Variants in PCLO observed in about 807,000 individuals in gnomAD.
The protein encoded by PCLO is protein piccolo.
PCLO carries 82 observed loss-of-function variants against 427.5 expected under a neutral mutation model. The observed-to-expected ratio is 0.19, with a 90% CI of 0.16 to 0.23. PCLO has a LOEUF of 0.23. PCLO is among the 10% of genes least tolerant of loss of function. The pLI is 1.00. For missense variants in PCLO, 6,239 were observed against 6,115.9 expected (o/e 1.02, Z -0.67); for synonymous variants, 2,357 against 2,155.4 (o/e 1.09, Z -2.59).
intron 6 of PCLO, among the ~76,000 whole-genome samples, chr7:82,941,616 T>C (rs1018479953): frequency 2.6e-5 from 4 of 151,522 alleles, no homozygotes; most frequent in Admixed American, 2.0e-4. Flanking sequence ...AATATTTTAT[T>C]AGTTATGAGA....
At chr7:82,832,800 TAC>T (rs10645073) in intron 16 of PCLO, among the ~76,000 whole-genome samples, 39,607 of 140,304 alleles carry the variant, frequency 0.28, 5,656 homozygotes, top group Non-Finnish European at 0.34. Context: ...CTAAACTTAC[TAC>T]ACACACACAC....
chr7:82,981,754 A>C (rs917315190), intron 3 of PCLO, among the ~76,000 whole-genome samples: 1 of 152,144 alleles, frequency 6.6e-6, no homozygotes, highest in African/African-American at 2.4e-5. Context: ...TCTTTACGTA[A>C]TAAGAATAAG....
intron 10 of PCLO, among the ~76,000 whole-genome samples, chr7:82,863,225 T>C (rs1354472103): frequency 1.3e-5 from 2 of 152,006 alleles, no homozygotes; most frequent in Non-Finnish European, 1.5e-5. Context: ...ATGAATGATA[T>C]AATCAAAATT....
chr7:82,915,521 G>T lies in PCLO; in HGVS notation c.12465C>A (p.Tyr4155Ter). ...LSHYYHADTS[Y>*]RHFPKSEKYS... Reference sequence around the variant, plus strand: ...ACTTCTCAGATTTTGGAAAATGTCTGTAGCTAGTATCAGCATGGTAATAAT... The same window carrying T: ...ACTTCTCAGATTTTGGAAAATGTCTTTAGCTAGTATCAGCATGGTAATAAT... Residue 4155 changes from tyrosine (Y) to a stop codon, truncating the protein, a stop_gained, in exon 7 of 25, where the codon TAC becomes TAA. Transcript: ENST00000333891. LOFTEE classifies it high-confidence loss of function. The T allele has an allele frequency of 6.2e-7, 1 of 1,613,666 alleles. No individual in the cohort carries two copies. Among genetic ancestry groups the T allele is most frequent in the Non-Finnish European group, 8.5e-7 (1 of 1,179,690 alleles).
chr7:82,886,009 C>T (rs758805793), intron 9 of PCLO, among the ~76,000 whole-genome samples: 6 of 152,112 alleles, frequency 3.9e-5, no homozygotes, highest in Admixed American at 1.3e-4. Context: ...CCAGTCCCTC[C>T]TTTCCCCATT....
At chr7:83,092,822 C>A (rs955711385) in intron 3 of PCLO, among the ~76,000 whole-genome samples, 1 of 151,712 alleles carries the variant, frequency 6.6e-6, no homozygotes, top group East Asian at 1.9e-4. Flanking sequence ...TGATGAGTGC[C>A]TGAGATCCCA....
At chr7:82,815,470 T>C (rs1189636758) in intron 20 of PCLO, among the ~76,000 whole-genome samples, 4 of 152,098 alleles carry the variant, frequency 2.6e-5, no homozygotes, top group Non-Finnish European at 4.4e-5. Flanking sequence ...TGTAAAAATA[T>C]GTTTTCTATA....
chr7:82,871,138 T>C (rs1793226470), intron 10 of PCLO, among the ~76,000 whole-genome samples: 1 of 151,948 alleles, frequency 6.6e-6, no homozygotes, highest in African/African-American at 2.4e-5. Context: ...AATAAGTATA[T>C]AGAAGAGATA....
At chr7:82,959,574 T>A (rs1450456727) in intron 4 of PCLO, among the ~76,000 whole-genome samples, 1 of 152,152 alleles carries the variant, frequency 6.6e-6, no homozygotes, top group Non-Finnish European at 1.5e-5. Context: ...CAAGGGAAAT[T>A]AAGTGACATT....
chr7:82,904,351 C>T (rs1364324379), intron 8 of PCLO, among the ~76,000 whole-genome samples: 1 of 151,718 alleles, frequency 6.6e-6, no homozygotes, highest in African/African-American at 2.4e-5. Context: ...CTCCCCACAT[C>T]TTTTTCTCCC....
chr7:82,911,178 A>G (rs1794311597), intron 7 of PCLO, among the ~76,000 whole-genome samples: 1 of 152,020 alleles, frequency 6.6e-6, no homozygotes, highest in Non-Finnish European at 1.5e-5. Flanking sequence ...TGATTTTGTT[A>G]TTTTTTATAA....
intron 3 of PCLO, among the ~76,000 whole-genome samples, chr7:83,027,508 GC>G (rs1788534556): frequency 6.8e-6 from 1 of 146,152 alleles, no homozygotes; most frequent in Admixed American, 6.8e-5. Flanking sequence ...TAGATTCACA[GC>G]CAAATTCTAC....
rs554208322 is a variant in PCLO, at chr7:82,755,303, A to C, written c.*3272T>G. The C allele has an allele frequency of 6.6e-6, 1 of 152,284 alleles. No homozygotes were observed. Among genetic ancestry groups the C allele is most frequent in the African/African-American group, 2.4e-5 (1 of 41,570 alleles). The allele number at this position is 152,284 out of a possible 1,614,324, so 9.4% of individuals were successfully genotyped here. On this transcript the variant is annotated 3_prime_UTR_variant, in exon 25 of 25. Transcript: ENST00000333891. ...CAATATTAAAGAGTAAAGATAACTG[A>C]TGCCCCTTAGTCTTGATATTTTAAA...
chr7:83,151,733 G>T (rs1398609077), intron 2 of PCLO, among the ~76,000 whole-genome samples: 2 of 152,094 alleles, frequency 1.3e-5, no homozygotes, highest in Non-Finnish European at 2.9e-5. Context: ...CTTTGACCCT[G>T]TAACACTTCA....
chr7:83,081,517 A>C (rs1790100080), intron 3 of PCLO, among the ~76,000 whole-genome samples: 1 of 151,934 alleles, frequency 6.6e-6, no homozygotes, highest in Non-Finnish European at 1.5e-5. Context: ...AAAATATCTG[A>C]AAAATTTAGA....
chr7:83,024,899 T>A (rs1162500228), intron 3 of PCLO, among the ~76,000 whole-genome samples: 1 of 152,132 alleles, frequency 6.6e-6, no homozygotes, highest in South Asian at 2.1e-4. Context: ...GGGTCCTGTC[T>A]GTTAGAAGGA....
intron 3 of PCLO, among the ~76,000 whole-genome samples, chr7:83,118,727 T>C (rs1401727089): frequency 6.6e-6 from 1 of 152,110 alleles, no homozygotes; most frequent in African/African-American, 2.4e-5. Flanking sequence ...CCACTACCAG[T>C]GGACTAAAGT....
intron 16 of PCLO, among the ~76,000 whole-genome samples, chr7:82,833,645 G>A (rs1326747432): frequency 6.6e-6 from 1 of 152,022 alleles, no homozygotes; most frequent in Non-Finnish European, 1.5e-5. Context: ...TTTCTATATA[G>A]TATTTTAAAA....
At chr7:82,916,990 AT>A in intron 6 of PCLO, 117 bp from the exon 7 acceptor site, 1 of 663,468 alleles carries the variant, frequency 1.5e-6, no homozygotes, top group Non-Finnish European at 2.4e-6. Flanking sequence ...CTATCGCAGC[AT>A]GATAAAATAA....
Sources: allele counts gnomAD v4.1 joint callset (sites outside exome capture counted in the v4.1 genomes callset), GRCh38; gene constraint gnomAD v4.1.1; transcripts MANE v1.5; gene names NCBI Gene and HGNC (gene_info 2026-07-23, HGNC 2026-07-21).